Variants in CAMKMT observed in about 807,000 individuals in gnomAD.
The protein encoded by CAMKMT is calmodulin-lysine N-methyltransferase, also known as CaM KMT.
CAMKMT carries 53 observed loss-of-function variants against 48.0 expected under a neutral mutation model. That is an observed-to-expected ratio of 1.10 (90% confidence interval 0.89 to 1.39). The LOEUF (loss-of-function observed/expected upper bound fraction) is 1.39. Among genes scored for constraint, CAMKMT ranks in the 40% most tolerant of loss-of-function variants. The pLI, the probability that CAMKMT is intolerant of heterozygous loss-of-function variation, is 0.00. For missense variants in CAMKMT, 428 were observed against 402.7 expected (o/e 1.06, Z -0.54); for synonymous variants, 165 against 152.3 (o/e 1.08, Z -0.61).
intron 1 of CAMKMT, among the ~76,000 whole-genome samples, chr2:44,363,633 G>A (rs1041871316): frequency 3.3e-5 from 5 of 149,746 alleles, no homozygotes; most frequent in African/African-American, 1.2e-4. Context: ...ACCCACCTCG[G>A]CTTCCCAAAG....
chr2:44,404,632 A>G (rs1017755873), intron 3 of CAMKMT, among the ~76,000 whole-genome samples: 1 of 152,058 alleles, frequency 6.6e-6, no homozygotes, highest in African/African-American at 2.4e-5. Context: ...TACTTTTCCT[A>G]CCAGCTAATG....
intron 3 of CAMKMT, among the ~76,000 whole-genome samples, chr2:44,659,913 T>C (rs534151116): frequency 6.6e-6 from 1 of 152,296 alleles, no homozygotes; most frequent in Admixed American, 6.5e-5. Flanking sequence ...ATTCTCAAGA[T>C]TTTTGGTCCC....
At chr2:44,677,360 T>G (rs1675764574) in intron 3 of CAMKMT, among the ~76,000 whole-genome samples, 1 of 152,206 alleles carries the variant, frequency 6.6e-6, no homozygotes, top group South Asian at 2.1e-4. Context: ...CTTGTGCATA[T>G]TTCAGCAGAA....
intron 3 of CAMKMT, among the ~76,000 whole-genome samples, chr2:44,442,310 G>GTA (rs953220838): frequency 2.0e-5 from 3 of 151,960 alleles, no homozygotes; most frequent in Non-Finnish European, 4.4e-5. Context: ...AGAGTTGTGT[G>GTA]TATATATATA....
At position 44,627,533 on chromosome 2, in the gene CAMKMT, A is replaced by G. The variant is rs144271028; in HGVS notation, c.377-76750A>G. Among the ~76,000 whole-genome samples, 197 of 152,042 alleles carry G rather than the reference A, an allele frequency of 1.3e-3. 1 individual carries two copies. Among genetic ancestry groups the G allele is most frequent in the African/African-American group, 4.4e-3 (184 of 41,494 alleles). ...TGAACCTGGAGTGTGTTTGGGAAAAAAAGTTTCGTTCACAGATTCAATTAA... is the reference window on the plus strand; with the variant it reads ...TGAACCTGGAGTGTGTTTGGGAAAAGAAGTTTCGTTCACAGATTCAATTAA... On this transcript the variant is annotated intron_variant, in intron 3 of 10. Coordinates refer to ENST00000378494, the MANE Select transcript of CAMKMT (RefSeq NM_024766.5).
intron 3 of CAMKMT, among the ~76,000 whole-genome samples, chr2:44,486,565 T>C (rs568285110): frequency 6.6e-6 from 1 of 152,370 alleles, no homozygotes; most frequent in African/African-American, 2.4e-5. Context: ...GGTCATAGAA[T>C]GCCTCAATGT....
intron 3 of CAMKMT, among the ~76,000 whole-genome samples, chr2:44,418,362 T>TG (rs2104502154): frequency 6.6e-6 from 1 of 152,226 alleles, no homozygotes; most frequent in Admixed American, 6.5e-5. Flanking sequence ...GGCTTTTATA[T>TG]TTTTAGTCTA....
At chr2:44,447,543 T>G (rs368413373) in intron 3 of CAMKMT, among the ~76,000 whole-genome samples, 1 of 152,212 alleles carries the variant, frequency 6.6e-6, no homozygotes. Flanking sequence ...TTCTTTCATG[T>G]TGCATGTTTA....
At chr2:44,753,249 C>CAAAAAAAAA (rs772390371) in intron 8 of CAMKMT, among the ~76,000 whole-genome samples, 3 of 65,440 alleles carry the variant, frequency 4.6e-5, no homozygotes, top group African/African-American at 6.8e-5. Context: ...CCTGTCCCTA[C>CAAAAAAAAA]AAAAAAAAAA....
intron 3 of CAMKMT, among the ~76,000 whole-genome samples, chr2:44,548,744 A>G (rs1033646978): frequency 6.6e-6 from 1 of 152,166 alleles, no homozygotes; most frequent in East Asian, 1.9e-4. Context: ...TTTAGCTGAG[A>G]GTGGCCCTTG....
At chr2:44,663,174 A>T (rs543056539) in intron 3 of CAMKMT, among the ~76,000 whole-genome samples, 75 of 152,320 alleles carry the variant, frequency 4.9e-4, no homozygotes, top group African/African-American at 1.7e-3. Context: ...TCCACACTCA[A>T]GTCTCACCAA....
chr2:44,529,263 GTTA>G (rs1411526323), intron 3 of CAMKMT, among the ~76,000 whole-genome samples: 5 of 152,066 alleles, frequency 3.3e-5, no homozygotes, highest in Non-Finnish European at 5.9e-5. Flanking sequence ...ATCAAATACA[GTTA>G]TTATTCTACT....
At chr2:44,695,840 A>G (rs1346058763) in intron 3 of CAMKMT, among the ~76,000 whole-genome samples, 1 of 152,058 alleles carries the variant, frequency 6.6e-6, no homozygotes, top group Non-Finnish European at 1.5e-5. Flanking sequence ...CATCAGATGT[A>G]GCTGGTTCTC....
intron 3 of CAMKMT, among the ~76,000 whole-genome samples, chr2:44,429,505 T>G (rs1046676591): frequency 2.6e-5 from 4 of 152,106 alleles, no homozygotes; most frequent in Non-Finnish European, 5.9e-5. Flanking sequence ...TACTAATGAC[T>G]CTTCCAAGGT....
intron 3 of CAMKMT, among the ~76,000 whole-genome samples, chr2:44,506,293 A>G (rs765924990): frequency 2.0e-5 from 3 of 152,174 alleles, no homozygotes; most frequent in Non-Finnish European, 4.4e-5. Flanking sequence ...TGAGTTGAAG[A>G]CTACTTGTAT....
intron 3 of CAMKMT, among the ~76,000 whole-genome samples, chr2:44,391,009 G>A (rs1208828810): frequency 5.3e-5 from 8 of 152,006 alleles, no homozygotes; most frequent in Non-Finnish European, 4.4e-5. Flanking sequence ...TTTTGTATAG[G>A]ACATTTCTCT....
intron 2 of CAMKMT, among the ~76,000 whole-genome samples, chr2:44,386,426 T>C (rs1213102669): frequency 6.6e-6 from 1 of 152,150 alleles, no homozygotes; most frequent in African/African-American, 2.4e-5. Flanking sequence ...ATCTTGCTAA[T>C]GGTCTATCAA....
chr2:44,478,846 G>T (rs1484934410), intron 3 of CAMKMT, among the ~76,000 whole-genome samples: 1 of 151,826 alleles, frequency 6.6e-6, no homozygotes, highest in Non-Finnish European at 1.5e-5. Context: ...GACTACAGGC[G>T]CCCGCCACCA....
intron 3 of CAMKMT, among the ~76,000 whole-genome samples, chr2:44,512,739 A>C (rs1670632018): frequency 6.6e-6 from 1 of 152,258 alleles, no homozygotes. Context: ...ATGTATAGTC[A>C]ACTTACAATG....
Sources: gnomAD v4.1 joint callset for allele counts (sites outside exome capture counted in the v4.1 genomes callset) on GRCh38, gnomAD v4.1.1 for gene constraint, MANE v1.5 for transcripts, NCBI Gene and HGNC (gene_info 2026-07-23, HGNC 2026-07-21) for gene names.